The following LNX1 variants were observed in gnomAD, a reference collection of about 807,000 sequenced individuals.
LNX1 encodes E3 ubiquitin-protein ligase LNX.
LNX1 carries 54 observed loss-of-function variants against 68.4 expected under a neutral mutation model. The ratio of observed to expected loss-of-function variants is 0.79; its 90% CI spans 0.63 to 0.99. LNX1 has a LOEUF of 0.99. Among genes scored for constraint, LNX1 ranks in the 50% least tolerant of loss-of-function variants. LNX1 has a pLI of 0.00. For missense variants in LNX1, 906 were observed against 926.4 expected, an observed-to-expected ratio of 0.98 and a Z score of 0.29; for synonymous variants, 336 against 350.0, an observed-to-expected ratio of 0.96 and a Z score of 0.45.
rs115510168 is a variant in LNX1 at position 53,514,716 on chromosome 4, G to T, written c.381-6489C>A. 1.8e-3 allele frequency among the ~76,000 whole-genome samples: 279 copies of T among 152,266 alleles called. 1 individual carries two copies. Among genetic ancestry groups the T allele is most frequent in the African/African-American group, 6.5e-3 (269 of 41,546 alleles). On this transcript the variant is annotated intron_variant, in intron 2 of 10. Transcript: ENST00000263925. Reference sequence around the variant, plus strand: ...CTAAATTGGCTATCTACACTAATCAGATGACTCAGGCCATCTGTGTTTCTG... The same window carrying T: ...CTAAATTGGCTATCTACACTAATCATATGACTCAGGCCATCTGTGTTTCTG...
intron 2 of LNX1, among the ~76,000 whole-genome samples, chr4:53,612,734 G>A (rs373900628): frequency 4.0e-5 from 6 of 149,650 alleles, no homozygotes; most frequent in South Asian, 2.2e-4. Flanking sequence ...ATGGGGTCTC[G>A]CTATATTGGG....
At chr4:53,620,398 T>C (rs533466572), upstream of LNX1, among the ~76,000 whole-genome samples, 18 of 152,342 alleles carry the variant, frequency 1.2e-4, no homozygotes, top group South Asian at 1.2e-3. Flanking sequence ...ATCTGTGTTT[T>C]AGCAAGCCCT....
chr4:53,460,899 C>CATTG lies in LNX1; in HGVS notation c.*4_*7dup, dbSNP rs769648221. The CATTG allele has an allele frequency of 7.5e-6, 12 of 1,607,502 alleles. No individual in the cohort carries two copies. Among genetic ancestry groups the CATTG allele is most frequent in the African/African-American group, 1.3e-5 (1 of 74,454 alleles). On this transcript the variant is annotated 3_prime_UTR_variant, in exon 11 of 11. Coordinates refer to ENST00000263925, the MANE Select transcript of LNX1 (RefSeq NM_001126328.3). Reference sequence around the variant, plus strand: ...ATTTTTCTGTTTTCCTCTGACCCATCATTGATTCTATAAAAAAGTGCCAGG... The same window carrying CATTG: ...ATTTTTCTGTTTTCCTCTGACCCATCATTGATTGATTCTATAAAAAAGTGCCAGG...
At chr4:53,622,672 G>A (rs138480833) in intron 1 of LNX1, among the ~76,000 whole-genome samples, 1 of 152,098 alleles carries the variant, frequency 6.6e-6, no homozygotes, top group Non-Finnish European at 1.5e-5. Flanking sequence ...AGATTGAAAA[G>A]GTTTAAAAGT....
chr4:53,581,055 A>G (rs1469125212), intron 1 of LNX1, among the ~76,000 whole-genome samples: 4 of 152,164 alleles, frequency 2.6e-5, no homozygotes, highest in Non-Finnish European at 4.4e-5. Context: ...ATGGGAGGAA[A>G]TGAAGCCTGC....
intron 2 of LNX1, among the ~76,000 whole-genome samples, chr4:53,529,526 T>C (rs1156728980): frequency 1.3e-5 from 2 of 152,192 alleles, no homozygotes; most frequent in African/African-American, 2.4e-5. Flanking sequence ...AGAAGGGACA[T>C]TGGTGGCACA....
intron 6 of LNX1, among the ~76,000 whole-genome samples, chr4:53,487,139 G>A (rs1724363771): frequency 6.6e-6 from 1 of 151,030 alleles, no homozygotes; most frequent in Admixed American, 6.6e-5. Flanking sequence ...CCAGAGCAGA[G>A]AGATGGAAGT....
intron 2 of LNX1, among the ~76,000 whole-genome samples, chr4:53,611,254 T>A (rs1167945469): frequency 6.6e-6 from 1 of 151,826 alleles, no homozygotes; most frequent in African/African-American, 2.4e-5. Context: ...AAAACCAACC[T>A]CTATGAAATA....
intron 1 of LNX1, among the ~76,000 whole-genome samples, chr4:53,645,680 G>C (rs17730883): frequency 0.12 from 17,982 of 152,166 alleles, 1,190 homozygotes; most frequent in Non-Finnish European, 0.16. Context: ...AGATCAGCAG[G>C]AACAAGGGGT....
chr4:53,638,527 G>A (rs1466235337), intron 1 of LNX1, among the ~76,000 whole-genome samples: 3 of 152,176 alleles, frequency 2.0e-5, no homozygotes, highest in Admixed American at 2.0e-4. Flanking sequence ...TGACGCTCTG[G>A]CTTCTTGTGT....
chr4:53,644,426 AAAAC>A (rs1443068428), intron 1 of LNX1, among the ~76,000 whole-genome samples: 1 of 152,170 alleles, frequency 6.6e-6, no homozygotes, highest in Admixed American at 6.5e-5. Flanking sequence ...AAACAAAAAC[AAAAC>A]AAACAAAACC....
intron 1 of LNX1, among the ~76,000 whole-genome samples, chr4:53,583,204 A>T (rs189807767): frequency 4.6e-5 from 7 of 152,352 alleles, no homozygotes; most frequent in Admixed American, 4.6e-4. Flanking sequence ...GAGGATGGGC[A>T]GTGTTCTGTG....
At chr4:53,581,970 T>G (rs149601171) in intron 1 of LNX1, among the ~76,000 whole-genome samples, 8 of 152,346 alleles carry the variant, frequency 5.3e-5, no homozygotes, top group African/African-American at 1.9e-4. Context: ...ATTTTGCATT[T>G]TTTTAAATAT....
intron 2 of LNX1, among the ~76,000 whole-genome samples, chr4:53,566,166 G>C (rs1400621722): frequency 1.3e-5 from 2 of 152,054 alleles, no homozygotes; most frequent in African/African-American, 2.4e-5. Context: ...AGATACTCCT[G>C]GAGAAGAGCA....
At chr4:53,635,444 T>G (rs1217412241) in intron 1 of LNX1, among the ~76,000 whole-genome samples, 2 of 152,242 alleles carry the variant, frequency 1.3e-5, no homozygotes, top group Non-Finnish European at 2.9e-5. Flanking sequence ...TCATTTAGAT[T>G]GATGTTCTTT....
chr4:53,508,740 A>G (rs778298976), intron 2 of LNX1, among the ~76,000 whole-genome samples: 1 of 152,184 alleles, frequency 6.6e-6, no homozygotes, highest in Non-Finnish European at 1.5e-5. Flanking sequence ...TGAGTTCAGC[A>G]TTGCTATCCT....
intron 1 of LNX1, among the ~76,000 whole-genome samples, chr4:53,644,306 C>T (rs966704409): frequency 1.3e-5 from 2 of 152,014 alleles, no homozygotes; most frequent in African/African-American, 4.8e-5. Context: ...GAGGCTGAGG[C>T]ACGAAAATCG....
Position 53,460,201 on chromosome 4 carries a change from A to G in LNX1, c.*706T>C, listed in dbSNP as rs1345224950. ...CTTCTTGATGCATTTTCCAAGGCCC[A>G]CTGGTGGAGCAGCATGAGTTTTTAT... On this transcript the variant is annotated 3_prime_UTR_variant, in exon 11 of 11. Coordinates refer to ENST00000263925, the MANE Select transcript of LNX1 (RefSeq NM_001126328.3). 5.1e-6 allele frequency: 1 copy of G among 195,860 alleles called. No individual in the cohort carries two copies. Among genetic ancestry groups the G allele is most frequent in the Non-Finnish European group, 1.1e-5 (1 of 94,368 alleles). 12.1% of individuals were successfully genotyped at this position (195,860 alleles called of 1,614,324 possible). A position where few individuals can be genotyped will look rare whatever the true frequency, so the allele number is the denominator to read the frequency against.
chr4:53,491,124 G>A (rs1429538014), intron 6 of LNX1, among the ~76,000 whole-genome samples: 7 of 152,118 alleles, frequency 4.6e-5, no homozygotes, highest in Non-Finnish European at 1.0e-4. Context: ...GACATGATGA[G>A]TAAGAGTTTT....
Sources: gnomAD v4.1 joint callset for allele counts (sites outside exome capture counted in the v4.1 genomes callset) on GRCh38, gnomAD v4.1.1 for gene constraint, MANE v1.5 for transcripts, NCBI Gene and HGNC (gene_info 2026-07-23, HGNC 2026-07-21) for gene names.